The following ERAP1 variants were observed in gnomAD, a reference collection of about 807,000 sequenced individuals.
ERAP1 encodes the protein endoplasmic reticulum aminopeptidase 1.
ERAP1 carries 86 observed loss-of-function variants against 103.7 expected under a neutral mutation model. The ratio of observed to expected loss-of-function variants is 0.83; its 90% confidence interval spans 0.70 to 0.99. The LOEUF is 0.99. Ranked by LOEUF, ERAP1 falls within the 50% of genes least tolerant of loss-of-function variation. The probability of loss-of-function intolerance (pLI) is 0.00; values close to 1 mark genes in which losing one functional copy is unlikely to be tolerated. For missense variants in ERAP1, 1,009 were observed against 1,128.4 expected, an observed-to-expected ratio of 0.89 and a Z score of 1.52; for synonymous variants, 398 against 402.4, an observed-to-expected ratio of 0.99 and a Z score of 0.13.
At position 96,803,426 on chromosome 5, in the gene ERAP1, G is replaced by C. The variant is rs138997764; in HGVS notation, c.501C>G (p.Tyr167Ter). Reference protein sequence around the residue: ...ETFHGFYKSTYRTKEGELRIL... With the variant: ...ETFHGFYKST ...ACCTCAGTTCCCCTTCCTTGGTTCT[G>C]TAGGTGCTTTTGTAAAATCCGTGGA... Residue 167 changes from tyrosine to a stop codon, truncating the protein, a stop_gained, in exon 2 of 19, where the codon TAC (tyrosine) becomes TAG (stop). Transcript: ENST00000443439. LOFTEE classifies it high-confidence loss of function. 19 of 1,613,234 alleles carry C rather than the reference G, an allele frequency of 1.2e-5. No homozygotes were observed. The highest frequency in any genetic ancestry group is 1.3e-5 in the Non-Finnish European group (15 of 1,179,826).
At chr5:96,846,606 A>G in the ERAP1 span, among the ~76,000 whole-genome samples, 2 of 152,180 alleles carry the variant, frequency 1.3e-5, no homozygotes, top group Non-Finnish European at 2.9e-5. Context: ...ATAGGGCATG[A>G]GTTCCTGCAT....
At chr5:96,840,189 A>T in the ERAP1 span, among the ~76,000 whole-genome samples, 6 of 152,224 alleles carry the variant, frequency 3.9e-5, no homozygotes, top group South Asian at 8.3e-4. Flanking sequence ...AAAACTCCTT[A>T]GATCTGTACT....
At chr5:96,784,423 C>T (rs1243450275) in intron 13 of ERAP1, among the ~76,000 whole-genome samples, 7 of 152,080 alleles carry the variant, frequency 4.6e-5, no homozygotes, top group South Asian at 2.1e-4. Context: ...GAGGCAGAGG[C>T]GGTGAGCTGA....
chr5:96,815,636 T>A, the ERAP1 span, among the ~76,000 whole-genome samples: 5 of 152,166 alleles, frequency 3.3e-5, no homozygotes, highest in South Asian at 6.2e-4. Context: ...GGTCTTGAAC[T>A]CCTGACCTCA....
At chr5:96,796,496 G>T (rs1777359159) in intron 4 of ERAP1, among the ~76,000 whole-genome samples, 1 of 152,194 alleles carries the variant, frequency 6.6e-6, no homozygotes, top group Admixed American at 6.5e-5. Flanking sequence ...CCAAACTGCA[G>T]AAAGCCATAA....
At chr5:96,910,116 T>C in the ERAP1 span, 1 of 185,382 alleles carries the variant, frequency 5.4e-6, no homozygotes, top group Non-Finnish European at 1.2e-5. Flanking sequence ...AATGCAAAAA[T>C]TAGCCAAGTG....
chr5:96,868,215 A>G, the ERAP1 span, among the ~76,000 whole-genome samples: 1 of 152,204 alleles, frequency 6.6e-6, no homozygotes, highest in East Asian at 1.9e-4. Context: ...TGTGCACAGA[A>G]GCCACCTCCC....
chr5:96,882,429 A>G, the ERAP1 span, among the ~76,000 whole-genome samples: 3,861 of 152,256 alleles, frequency 0.025, 172 homozygotes, highest in African/African-American at 0.088. Flanking sequence ...CTTCATACTC[A>G]GTCACCTAGT....
the ERAP1 span, among the ~76,000 whole-genome samples, chr5:96,821,618 CA>C: frequency 6.6e-6 from 1 of 152,186 alleles, no homozygotes; most frequent in South Asian, 2.1e-4. Context: ...AACATCAAAG[CA>C]AGGAAACCTA....
At chr5:96,771,541 T>C, downstream of ERAP1, 3 of 751,698 alleles carry the variant, frequency 4.0e-6, no homozygotes, top group Non-Finnish European at 6.7e-6. Flanking sequence ...ATCTTATTTT[T>C]CCCCACTGAC....
intron 4 of ERAP1, 72 bp downstream of exon 4, chr5:96,797,103 C>A: frequency 6.3e-7 from 1 of 1,596,228 alleles, no homozygotes; most frequent in Non-Finnish European, 8.6e-7. Flanking sequence ...CTCAGGCAGA[C>A]TTCCAGTTTT....
the ERAP1 span, chr5:96,915,686 A>C: frequency 6.6e-7 from 1 of 1,508,554 alleles, no homozygotes. Flanking sequence ...TTTTATTTTC[A>C]GATTTGACTT....
the ERAP1 span, among the ~76,000 whole-genome samples, chr5:96,828,481 A>T: frequency 2.0e-5 from 3 of 152,230 alleles, no homozygotes; most frequent in Non-Finnish European, 4.4e-5. Context: ...AAATAAAACA[A>T]ATAAGTGAGA....
the ERAP1 span, among the ~76,000 whole-genome samples, chr5:96,854,760 C>G: frequency 6.6e-6 from 1 of 152,110 alleles, no homozygotes; most frequent in African/African-American, 2.4e-5. Context: ...CCCTTGTGGC[C>G]TTTTACCATG....
the ERAP1 span, among the ~76,000 whole-genome samples, chr5:96,813,445 G>T: frequency 6.6e-6 from 1 of 152,006 alleles, no homozygotes; most frequent in East Asian, 1.9e-4. Context: ...ATGAGGGCAG[G>T]AGATCGAGAC....
chr5:96,773,130 T>A (rs888233686), downstream of ERAP1: 2 of 153,900 alleles, frequency 1.3e-5, no homozygotes, highest in African/African-American at 4.8e-5. Flanking sequence ...TTTGGGATAA[T>A]GTTTATAAGT....
the ERAP1 span, chr5:96,822,873 A>G: frequency 7.7e-5 from 25 of 324,320 alleles, no homozygotes; most frequent in South Asian, 5.7e-4. Context: ...CACAGTTTAT[A>G]TGGGTCGTCT....
At chr5:96,767,328 A>G in intron 19 of ERAP1, 1 of 798,806 alleles carries the variant, frequency 1.3e-6, no homozygotes, top group Non-Finnish European at 2.1e-6. Context: ...GCAAGTCTAC[A>G]CTCCATTTTA....
In ERAP1 at chr5:96,776,250, A is replaced by T; in HGVS notation, c.*146T>A. On this transcript the variant is annotated 3_prime_UTR_variant, in exon 19 of 19. Transcript: ENST00000443439. ...GCCCATTCATGAAAAACTAACAGCT[A>T]TTCTTTTCACAGGGATAGTCAAAAA... The T allele has an allele frequency of 2.5e-5, 27 of 1,096,358 alleles. No individual in the cohort carries two copies. Among genetic ancestry groups the T allele is most frequent in the Non-Finnish European group, 3.5e-5 (27 of 780,086 alleles). 67.9% of individuals were successfully genotyped at this position (1,096,358 alleles called of 1,614,324 possible).
Sources: allele counts gnomAD v4.1 joint callset (sites outside exome capture counted in the v4.1 genomes callset), GRCh38; gene constraint gnomAD v4.1.1; transcripts MANE v1.5; gene names NCBI Gene and HGNC (gene_info 2026-07-23, HGNC 2026-07-21).